EDNRA: variants seen among roughly 807,000 people sequenced by gnomAD.
EDNRA encodes the protein endothelin-1 receptor.
Under a neutral mutation model 41.4 loss-of-function variants are expected in EDNRA, and 11 were observed. The ratio of observed to expected loss-of-function variants is 0.27; its 90% CI spans 0.17 to 0.44. The LOEUF is 0.44. Ranked by LOEUF, EDNRA falls within the 20% of genes least tolerant of loss-of-function variation. The pLI is 1.00. For missense variants in EDNRA, 294 were observed against 531.0 expected (o/e 0.55, Z 4.39); for synonymous variants, 172 against 183.0 (o/e 0.94, Z 0.49).
At position 147,485,826 on chromosome 4, in the gene EDNRA, G is replaced by A. The variant is rs201089652; in HGVS notation, c.145G>A (p.Val49Ile). The A allele has an allele frequency of 5.0e-6, 8 of 1,614,066 alleles. No homozygotes were observed. In the African/African-American group the frequency reaches 9.3e-5, roughly 19 times the overall value. The change falls in exon 2 of 8, where the codon GTT (valine) becomes ATT (isoleucine). Residue 49 changes from valine (V) to isoleucine (I), a missense_variant. By Grantham distance (29) the Val-to-Ile change is conservative (BLOSUM62 3). Coordinates refer to ENST00000651419, the MANE Select transcript of EDNRA (RefSeq NM_001957.4). ...TCGTGGCACAGAGCTCAGCTTCCTG[G>A]TTACCACTCATCAACCCACTAATTT... ...TFRGTELSFL[V>I]TTHQPTNLVL...
At chr4:147,532,764 C>A in intron 4 of EDNRA, 60 bp downstream of exon 4, 1 of 1,541,816 alleles carries the variant, frequency 6.5e-7, no homozygotes, top group East Asian at 2.3e-5. Flanking sequence ...TTAGACTTCA[C>A]CATCTTGAGA....
rs191337477 is a variant in EDNRA at position 147,536,217 on chromosome 4, C to T, written c.900+188C>T. 2.6e-5 allele frequency among the ~76,000 whole-genome samples: 4 copies of T among 152,172 alleles called. No individual in the cohort carries two copies. The East Asian group carries it at 5.8e-4, about 22-fold the overall frequency. On this transcript the variant is annotated intron_variant, in intron 5 of 7. Transcript: ENST00000651419. ...TAAAATGGGAAACCTGCTTGTAAAA[C>T]AAGTGGTCCTGAAGGCTGGGCCCAA...
chr4:147,513,770 T>A (rs575982346), intron 2 of EDNRA, among the ~76,000 whole-genome samples: 1 of 152,322 alleles, frequency 6.6e-6, no homozygotes, highest in African/African-American at 2.4e-5. Context: ...ACTGTATTTG[T>A]AAATCCCTCA....
In EDNRA at chr4:147,543,517, T is replaced by G. The variant is rs1420012826; in HGVS notation, c.*899T>G. The G allele has an allele frequency of 6.6e-6, 1 of 152,214 alleles. No homozygotes were observed. Among genetic ancestry groups the G allele is most frequent in the African/African-American group, 2.4e-5 (1 of 41,464 alleles). The allele number at this position is 152,214 out of a possible 1,614,324, so 9.4% of individuals were successfully genotyped here. On this transcript the variant is annotated 3_prime_UTR_variant, in exon 8 of 8. Transcript: ENST00000651419. ...AAAATCAATGTCAAGTACCAAAATG[T>G]TAATGTATGTGTCATTTAACTCTGC...
chr4:147,489,401 T>G (rs1729057923), intron 2 of EDNRA: 1 of 152,170 alleles, frequency 6.6e-6, no homozygotes, highest in South Asian at 2.1e-4. Context: ...GTAGACTATT[T>G]AAAGATTGTA....
At chr4:147,520,111 C>A in intron 3 of EDNRA, 133 bp downstream of exon 3, 1 of 1,224,252 alleles carries the variant, frequency 8.2e-7, no homozygotes, top group Non-Finnish European at 1.1e-6. Flanking sequence ...CATTAACCAT[C>A]TTGCCTTTGC....
intron 2 of EDNRA, among the ~76,000 whole-genome samples, chr4:147,507,210 AGG>A (rs60595630): frequency 4.0e-5 from 6 of 150,972 alleles, no homozygotes; most frequent in Admixed American, 2.6e-4. Context: ...CCTTATTTTG[AGG>A]GGGGAAAAAA....
intron 5 of EDNRA, among the ~76,000 whole-genome samples, 174 bp from the exon 6 acceptor site, chr4:147,539,643 G>A (rs1022707528): frequency 6.6e-5 from 10 of 152,042 alleles, no homozygotes; most frequent in African/African-American, 2.4e-4. Context: ...TCCTTCGTTA[G>A]AACACTGACC....
At chr4:147,527,862 C>T (rs926388233) in intron 3 of EDNRA, among the ~76,000 whole-genome samples, 4 of 152,182 alleles carry the variant, frequency 2.6e-5, no homozygotes, top group African/African-American at 9.7e-5. Context: ...GCCCCAGGTT[C>T]ACTGGAGACC....
chr4:147,530,018 G>A (rs1730691131), intron 3 of EDNRA, among the ~76,000 whole-genome samples: 1 of 152,182 alleles, frequency 6.6e-6, no homozygotes, highest in Admixed American at 6.5e-5. Flanking sequence ...CTCTAAAAAT[G>A]ACTTCTACTT....
intron 4 of EDNRA, among the ~76,000 whole-genome samples, chr4:147,532,984 G>A (rs1205936980): frequency 1.6e-5 from 2 of 126,202 alleles, no homozygotes; most frequent in African/African-American, 8.0e-5. Context: ...AGAGGGACTA[G>A]ATGTGTGTGT....
intron 2 of EDNRA, chr4:147,495,197 G>A (rs1343949135): frequency 6.6e-6 from 1 of 152,142 alleles, no homozygotes; most frequent in African/African-American, 2.4e-5. Context: ...AGCTAGAAAT[G>A]GCAGGTCCAG....
chr4:147,508,282 G>T (rs1160185539), intron 2 of EDNRA, among the ~76,000 whole-genome samples: 2 of 152,096 alleles, frequency 1.3e-5, no homozygotes, highest in Non-Finnish European at 2.9e-5. Context: ...GGGATTACGG[G>T]CATGCACCAC....
Position 147,506,401 on chromosome 4 carries a change from G to A in EDNRA, c.421-13450G>A, listed in dbSNP as rs531232721. On this transcript the variant is annotated intron_variant, in intron 2 of 7. Transcript: ENST00000651419. ...CAGACTGCCAGTGAAAAGTACATGA[G>A]ATTAAAAAGATTGCAAATAGAGGAA... 135 of 401,894 alleles carry A rather than the reference G, an allele frequency of 3.4e-4. 1 individual carries two copies. Among genetic ancestry groups the A allele is most frequent in the South Asian group, 2.8e-3 (132 of 46,780 alleles). The allele number at this position is 401,894 out of a possible 1,614,324, so 24.9% of individuals were successfully genotyped here. A position where few individuals can be genotyped will look rare whatever the true frequency, so the allele number is the denominator to read the frequency against.
In EDNRA at chr4:147,497,149, C is replaced by CTTTTTTTTT. The variant is rs11330586; in HGVS notation, c.420+11066_420+11074dup. On this transcript the variant is annotated intron_variant, in intron 2 of 7. Coordinates refer to ENST00000651419, the MANE Select transcript of EDNRA (RefSeq NM_001957.4). ...TTAAGAACTAGGCAATAGAATTCTTCTTTTTTTTTTTTTTTTTTTTTTTTT... is the reference window on the plus strand; with the variant it reads ...TTAAGAACTAGGCAATAGAATTCTTCTTTTTTTTTTTTTTTTTTTTTTTTTTTTTTTTTT... Among the ~76,000 whole-genome samples, 26 of 75,054 alleles carry CTTTTTTTTT rather than the reference C, an allele frequency of 3.5e-4. 1 individual carries two copies. Among genetic ancestry groups the CTTTTTTTTT allele is most frequent in the East Asian group, 4.1e-4 (1 of 2,418 alleles). The allele number at this position is 75,054 out of a possible 152,430, so 49.2% of individuals were successfully genotyped here.
intron 3 of EDNRA, among the ~76,000 whole-genome samples, chr4:147,528,250 C>T (rs1041659032): frequency 1.3e-5 from 2 of 152,092 alleles, no homozygotes; most frequent in African/African-American, 4.8e-5. Flanking sequence ...CTTCATTCAA[C>T]AGGTATTTAT....
intron 2 of EDNRA, chr4:147,506,895 T>C (rs1729736776): frequency 6.5e-6 from 1 of 154,488 alleles, no homozygotes; most frequent in Admixed American, 6.5e-5. Context: ...CGGTAAATTT[T>C]CTAAACCTAT....
At chr4:147,533,237 T>C (rs1381214578) in intron 4 of EDNRA, among the ~76,000 whole-genome samples, 3 of 152,166 alleles carry the variant, frequency 2.0e-5, no homozygotes, top group African/African-American at 7.2e-5. Flanking sequence ...ATACAAATAA[T>C]ATAAAATTGT....
intron 2 of EDNRA, among the ~76,000 whole-genome samples, chr4:147,499,086 C>T (rs1208987199): frequency 6.6e-6 from 1 of 152,182 alleles, no homozygotes; most frequent in Non-Finnish European, 1.5e-5. Flanking sequence ...GAAAGGGCCT[C>T]ACTCTACCAC....
Sources: allele counts gnomAD v4.1 joint callset (sites outside exome capture counted in the v4.1 genomes callset), GRCh38; gene constraint gnomAD v4.1.1; transcripts MANE v1.5; gene names NCBI Gene and HGNC (gene_info 2026-07-23, HGNC 2026-07-21).